PLEKHA7: variants seen among roughly 807,000 people sequenced by gnomAD.
The protein encoded by PLEKHA7 is pleckstrin homology domain containing A7.
In PLEKHA7, 104 loss-of-function variants were observed where a neutral mutation model predicts 170.0. That is an observed-to-expected ratio of 0.61 (90% CI 0.52 to 0.72). The LOEUF (loss-of-function observed/expected upper bound fraction) is 0.72. Ranked by LOEUF, PLEKHA7 falls within the 30% of genes least tolerant of loss-of-function variation. The pLI is 0.00. For missense variants in PLEKHA7, 1,615 were observed against 1,671.7 expected, an observed-to-expected ratio of 0.97 and a Z score of 0.59; for synonymous variants, 648 against 660.8, an observed-to-expected ratio of 0.98 and a Z score of 0.30.
intron 8 of PLEKHA7, 107 bp from the exon 9 acceptor site, chr11:16,841,829 C>A (rs1851990142): frequency 1.8e-6 from 2 of 1,111,706 alleles, no homozygotes; most frequent in Non-Finnish European, 2.5e-6. Flanking sequence ...AAAGCCCAAG[C>A]ACCACCCAAC....
chr11:16,913,130 C>T (rs1858371594), intron 3 of PLEKHA7, among the ~76,000 whole-genome samples: 1 of 152,172 alleles, frequency 6.6e-6, no homozygotes, highest in African/African-American at 2.4e-5. Flanking sequence ...TTTCCTATTA[C>T]CAGAATGTTC....
intron 8 of PLEKHA7, chr11:16,842,447 T>A (rs1481982876): frequency 6.6e-6 from 1 of 152,180 alleles, no homozygotes; most frequent in Non-Finnish European, 1.5e-5. Flanking sequence ...AAGGGTATAC[T>A]AGTAGCTGCA....
chr11:16,801,106 A>T (rs1247808067), intron 16 of PLEKHA7, 31 bp from the exon 17 acceptor site: 1 of 1,588,930 alleles, frequency 6.3e-7, no homozygotes, highest in Non-Finnish European at 8.6e-7. Flanking sequence ...TCCGGTTCTT[A>T]GTTATCCCCT....
intron 26 of PLEKHA7, 111 bp from the exon 27 acceptor site, chr11:16,779,131 G>A (rs1848833980): frequency 1.3e-5 from 9 of 689,724 alleles, no homozygotes; most frequent in Non-Finnish European, 2.4e-5. Flanking sequence ...CAGAGCAGGG[G>A]GCTCTGGCAA....
At position 16,795,350 on chromosome 11, in the gene PLEKHA7, C is replaced by T. The variant is rs1848148098; in HGVS notation, c.2410-332G>A. The T allele has an allele frequency of 4.4e-5, 12 of 273,078 alleles. No homozygotes were observed. In the South Asian group the frequency reaches 6.7e-4, roughly 15 times the overall value. The allele number at this position is 273,078 out of a possible 1,614,324, so 16.9% of individuals were successfully genotyped here. On this transcript the variant is annotated intron_variant, in intron 17 of 26. Transcript: ENST00000531066. Reference sequence around the variant, plus strand: ...GTCAATTTCGTAGAGACAGGAAGTACAACAGTGGTTGCTGGGGGCGGGGGA... The same window carrying T: ...GTCAATTTCGTAGAGACAGGAAGTATAACAGTGGTTGCTGGGGGCGGGGGA...
chr11:16,958,267 T>C (rs1187534731), intron 3 of PLEKHA7, among the ~76,000 whole-genome samples: 1 of 151,948 alleles, frequency 6.6e-6, no homozygotes, highest in African/African-American at 2.4e-5. Context: ...CAGTGAGCCA[T>C]AATCACACCA....
intron 3 of PLEKHA7, among the ~76,000 whole-genome samples, chr11:16,959,855 G>C (rs1161205633): frequency 6.6e-6 from 1 of 152,142 alleles, no homozygotes; most frequent in East Asian, 1.9e-4. Flanking sequence ...AGCAGCCCTG[G>C]AGGACTGTAC....
At chr11:16,925,265 C>G (rs1285275131) in intron 3 of PLEKHA7, among the ~76,000 whole-genome samples, 6 of 152,216 alleles carry the variant, frequency 3.9e-5, no homozygotes, top group Admixed American at 3.3e-4. Flanking sequence ...TACTTGGAGA[C>G]CCGATTTTTA....
At chr11:17,004,397 CT>C (rs11420002) in intron 3 of PLEKHA7, among the ~76,000 whole-genome samples, 34 of 144,508 alleles carry the variant, frequency 2.4e-4, no homozygotes, top group South Asian at 4.4e-4. Flanking sequence ...TTTTCTTTTT[CT>C]TTTTTTTTTT....
At chr11:16,898,130 A>C (rs16933675) in intron 3 of PLEKHA7, among the ~76,000 whole-genome samples, 19,515 of 152,170 alleles carry the variant, frequency 0.13, 1,335 homozygotes, top group Admixed American at 0.17. Flanking sequence ...CTTTCCATGA[A>C]GTCACATGAT....
chr11:16,789,046 G>A lies in PLEKHA7; in HGVS notation c.3357+50C>T. 6.4e-7 allele frequency: 1 copy of A among 1,569,410 alleles called. No individual in the cohort carries two copies. Among genetic ancestry groups the A allele is most frequent in the Non-Finnish European group, 8.6e-7 (1 of 1,164,478 alleles). On this transcript the variant is annotated intron_variant, in intron 23 of 26. Coordinates refer to ENST00000531066, the MANE Select transcript of PLEKHA7 (RefSeq NM_001329630.2). The surrounding 1 kb of genome is among the most constrained non-coding windows in gnomAD (Gnocchi z 4.6). ...TGCTTGTGTTTGGGGGACTCTGAGG[G>A]GCACTCGGCTCCCTGTCCCTGCCCC...
chr11:16,806,227 A>G (rs1848974912), intron 13 of PLEKHA7, among the ~76,000 whole-genome samples: 2 of 152,362 alleles, frequency 1.3e-5, no homozygotes, highest in Middle Eastern at 3.4e-3. Flanking sequence ...GCTTGATGAG[A>G]GCTGTTTCTA....
chr11:16,970,707 A>C (rs1420725590), intron 3 of PLEKHA7, among the ~76,000 whole-genome samples: 1 of 152,164 alleles, frequency 6.6e-6, no homozygotes, highest in Non-Finnish European at 1.5e-5. Context: ...GATACTGTGC[A>C]TGAAATCACA....
chr11:16,916,939 C>T (rs1858727470), intron 3 of PLEKHA7, among the ~76,000 whole-genome samples: 1 of 152,176 alleles, frequency 6.6e-6, no homozygotes, highest in East Asian at 1.9e-4. Context: ...GCTTTTGAGG[C>T]CGGGCACGGT....
intron 9 of PLEKHA7, among the ~76,000 whole-genome samples, chr11:16,830,877 T>C (rs1339888244): frequency 1.3e-5 from 2 of 152,238 alleles, no homozygotes; most frequent in African/African-American, 2.4e-5. Context: ...TCTGTTAGTC[T>C]TCCCTAAGCT....
intron 20 of PLEKHA7, 45 bp downstream of exon 20, chr11:16,790,966 C>T (rs1461074843): frequency 1.2e-6 from 2 of 1,613,926 alleles, no homozygotes; most frequent in Non-Finnish European, 1.7e-6. Flanking sequence ...CACCCCTTTA[C>T]CTCTCCCCAC....
At chr11:16,959,657 C>A (rs962649172) in intron 3 of PLEKHA7, among the ~76,000 whole-genome samples, 2 of 152,126 alleles carry the variant, frequency 1.3e-5, no homozygotes, top group African/African-American at 4.8e-5. Context: ...GAATTGGCTC[C>A]GTGAAACCAC....
intron 3 of PLEKHA7, among the ~76,000 whole-genome samples, chr11:16,986,261 C>T (rs1863719918): frequency 6.6e-6 from 1 of 152,114 alleles, no homozygotes; most frequent in Non-Finnish European, 1.5e-5. Flanking sequence ...GCAAGAAAAC[C>T]AGTCGGAACC....
intron 3 of PLEKHA7, among the ~76,000 whole-genome samples, chr11:16,876,529 C>T (rs769348274): frequency 1.3e-5 from 2 of 152,324 alleles, no homozygotes; most frequent in Admixed American, 6.5e-5. Context: ...GGATGATTCC[C>T]GTGAAAGCAG....
Sources: allele counts gnomAD v4.1 joint callset (sites outside exome capture counted in the v4.1 genomes callset), GRCh38; gene constraint gnomAD v4.1.1; non-coding constraint Gnocchi (gnomAD v3.1); transcripts MANE v1.5; gene names NCBI Gene and HGNC (gene_info 2026-07-23, HGNC 2026-07-21).